MED6: variants seen among roughly 807,000 people sequenced by gnomAD.
MED6 encodes mediator complex subunit 6, also known as mediator of RNA polymerase II transcription subunit 6.
MED6 carries 33 observed loss-of-function variants against 37.5 expected under a neutral mutation model. The ratio of observed to expected loss-of-function variants is 0.88; its 90% CI spans 0.67 to 1.18. The LOEUF (loss-of-function observed/expected upper bound fraction) is 1.18. MED6 is among the 50% of genes most tolerant of loss of function. The probability of loss-of-function intolerance (pLI) is 0.00; values close to 1 mark genes in which losing one functional copy is unlikely to be tolerated. For missense variants in MED6, 235 were observed against 290.6 expected (o/e 0.81, Z 1.39); for synonymous variants, 94 against 93.6 (o/e 1.00, Z -0.02).
chr14:70,593,755 C>T (rs1294015253), intron 3 of MED6, among the ~76,000 whole-genome samples: 3 of 152,184 alleles, frequency 2.0e-5, no homozygotes, highest in South Asian at 2.1e-4. Context: ...GCATTTCTAA[C>T]GAGTTCCCAA....
chr14:70,585,326 C>A (rs1479897373), intron 7 of MED6, among the ~76,000 whole-genome samples: 2 of 152,188 alleles, frequency 1.3e-5, no homozygotes, highest in Non-Finnish European at 2.9e-5. Context: ...CACACCTCCT[C>A]AATACCTACT....
At chr14:70,588,107 T>C (rs1432798692) in intron 6 of MED6, among the ~76,000 whole-genome samples, 3 of 152,210 alleles carry the variant, frequency 2.0e-5, no homozygotes, top group African/African-American at 7.2e-5. Flanking sequence ...AAAGAAGTTC[T>C]GGGAGACTTG....
intron 6 of MED6, among the ~76,000 whole-genome samples, chr14:70,586,858 G>A (rs1884722836): frequency 6.6e-6 from 1 of 152,182 alleles, no homozygotes; most frequent in Non-Finnish European, 1.5e-5. Flanking sequence ...TACCACAGAA[G>A]GCCTGAGGCT....
In MED6 at chr14:70,597,656, T is replaced by C. The variant is rs770343705; in HGVS notation, c.144A>G (p.Glu48=). 7.8e-6 allele frequency: 12 copies of C among 1,547,196 alleles called. No individual in the cohort carries two copies. The East Asian group carries it at 2.7e-4, about 35-fold the overall frequency. ...NPFYDRTCNN[E]VVKMQRLTLE... ...ATGTTAGCCTCTGCATTTTGACCAC[T>C]TCATTATTACATGTTCTGTCATAAA... is the stretch of plus-strand genomic sequence containing the variant. The change falls in exon 2 of 8, where the codon GAA becomes GAG. Residue 48 remains glutamate, a synonymous_variant. Coordinates refer to ENST00000256379, the MANE Select transcript of MED6 (RefSeq NM_005466.4).
intron 6 of MED6, among the ~76,000 whole-genome samples, chr14:70,588,477 A>C (rs1031313313): frequency 3.3e-4 from 50 of 152,020 alleles, no homozygotes; most frequent in African/African-American, 1.2e-3. Flanking sequence ...CGAGGTCAGG[A>C]GATTGAAACT....
chr14:70,591,384 A>G lies in MED6; in HGVS notation c.467-3T>C. On this transcript the variant is annotated splice_polypyrimidine_tract_variant and splice_region_variant and intron_variant, in intron 5 of 7. Transcript: ENST00000256379. ...TTTGGCTTTAGGTCTGACTTTATCT[A>G]TTAAAATACGAAGTCCAAATCAAAA... 6.3e-7 allele frequency: 1 copy of G among 1,592,976 alleles called. No individual in the cohort carries two copies. Among genetic ancestry groups the G allele is most frequent in the East Asian group, 2.2e-5 (1 of 44,506 alleles).
At chr14:70,587,883 A>G (rs1796196854) in intron 6 of MED6, among the ~76,000 whole-genome samples, 1 of 152,248 alleles carries the variant, frequency 6.6e-6, no homozygotes, top group South Asian at 2.1e-4. Context: ...TTCCAGCAGT[A>G]ACAAGAATTA....
chr14:70,597,663 T>C lies in MED6; in HGVS notation c.137A>G (p.Asn46Ser), dbSNP rs776249032. The C allele has an allele frequency of 2.6e-6, 4 of 1,554,936 alleles. No homozygotes were observed. Among genetic ancestry groups the C allele is most frequent in the African/African-American group, 1.4e-5 (1 of 71,276 alleles). ...RSNPFYDRTC[N>S]NEVVKMQRLT... Reference sequence around the variant, plus strand: ...CCTCTGCATTTTGACCACTTCATTATTACATGTTCTGTCATAAAAAGGATT... The same window carrying C: ...CCTCTGCATTTTGACCACTTCATTACTACATGTTCTGTCATAAAAAGGATT... The change falls in exon 2 of 8, where the codon AAT becomes AGT. Residue 46 changes from asparagine to serine, a missense_variant. Coordinates refer to ENST00000256379, the MANE Select transcript of MED6 (RefSeq NM_005466.4).
intron 3 of MED6, 111 bp downstream of exon 3, chr14:70,596,500 G>A (rs1885050485): frequency 2.7e-6 from 2 of 733,606 alleles, no homozygotes; most frequent in Admixed American, 4.7e-5. Flanking sequence ...CATGTATGTG[G>A]TCTTGGAGAC....
At chr14:70,585,837 G>C in intron 6 of MED6, 54 bp from the exon 7 acceptor site, 1 of 1,476,374 alleles carries the variant, frequency 6.8e-7, no homozygotes, top group Admixed American at 2.1e-5. Context: ...GAAGAAAACA[G>C]GTCAACTTGG....
chr14:70,599,232 T>G (rs1368753690), intron 1 of MED6, among the ~76,000 whole-genome samples: 1 of 151,836 alleles, frequency 6.6e-6, no homozygotes, highest in African/African-American at 2.4e-5. Context: ...CCGAGAAAAA[T>G]TATATAAAGG....
intron 3 of MED6, chr14:70,594,583 A>G (rs1490735181): frequency 9.7e-6 from 4 of 410,424 alleles, no homozygotes; most frequent in Non-Finnish European, 1.9e-5. Context: ...ACCTTCTCCA[A>G]CTACTGGTCC....
Position 70,584,124 on chromosome 14 carries a change from T to C in MED6, c.*689A>G, listed in dbSNP as rs951240043. ...AACTGTTTATTTTAATACTGAGGAT[T>C]ATGTAACTGAACAAAAAGAAATATG... On this transcript the variant is annotated 3_prime_UTR_variant, in exon 8 of 8. Coordinates refer to ENST00000256379, the MANE Select transcript of MED6 (RefSeq NM_005466.4). 10 of 737,210 alleles carry C rather than the reference T, an allele frequency of 1.4e-5. No individual in the cohort carries two copies. Among genetic ancestry groups the C allele is most frequent in the Non-Finnish European group, 1.5e-5 (6 of 408,560 alleles). The allele number at this position is 737,210 out of a possible 1,614,324, so 45.7% of individuals were successfully genotyped here.
chr14:70,595,471 C>T (rs757450611), intron 3 of MED6: 47 of 625,868 alleles, frequency 7.5e-5, no homozygotes, highest in Non-Finnish European at 1.2e-4. Flanking sequence ...GACCTGGACT[C>T]GATGAGAAAT....
intron 6 of MED6, among the ~76,000 whole-genome samples, chr14:70,587,864 T>C (rs1454945181): frequency 6.6e-6 from 1 of 152,192 alleles, no homozygotes; most frequent in Non-Finnish European, 1.5e-5. Context: ...ACATCAGTAT[T>C]AGTGCAACTT....
chr14:70,587,399 G>A (rs1373785954), intron 6 of MED6, among the ~76,000 whole-genome samples: 1 of 152,108 alleles, frequency 6.6e-6, no homozygotes, highest in Non-Finnish European at 1.5e-5. Flanking sequence ...CCCCAACAAA[G>A]CCACATATCA....
chr14:70,587,233 T>C (rs973112405), intron 6 of MED6, among the ~76,000 whole-genome samples: 1 of 152,230 alleles, frequency 6.6e-6, no homozygotes, highest in African/African-American at 2.4e-5. Flanking sequence ...AGCCTGCACA[T>C]AGATTCTTCC....
rs1204275552 is a variant in MED6 at position 70,598,261 on chromosome 14, G to T, written c.23-484C>A. Among the ~76,000 whole-genome samples the T allele has an allele frequency of 3.9e-5, 6 of 151,974 alleles. No homozygotes were observed. The East Asian group carries it at 1.2e-3, about 29-fold the overall frequency. ...GTGGTGAGACGAGATCACACCATTG[G>T]ACTCCAGCCTGAGCAACAAGAGTGA... On this transcript the variant is annotated intron_variant, in intron 1 of 7. Coordinates refer to ENST00000256379, the MANE Select transcript of MED6 (RefSeq NM_005466.4).
intron 6 of MED6, 74 bp from the exon 7 acceptor site, chr14:70,585,857 T>G: frequency 1.7e-6 from 2 of 1,180,212 alleles, no homozygotes; most frequent in Non-Finnish European, 2.4e-6. Context: ...GCAAAATTTC[T>G]TCTTCCTGAT....
Sources: gnomAD v4.1 joint callset for allele counts (sites outside exome capture counted in the v4.1 genomes callset) on GRCh38, gnomAD v4.1.1 for gene constraint, MANE v1.5 for transcripts, NCBI Gene and HGNC (gene_info 2026-07-23, HGNC 2026-07-21) for gene names.